Variants in UQCC6 observed in about 807,000 individuals in gnomAD.
UQCC6 encodes protein BRAWNIN.
the UQCC6 span, chr12:103,951,211 A>C: frequency 5.0e-6 from 1 of 198,318 alleles, no homozygotes; most frequent in African/African-American, 2.3e-5. Flanking sequence ...CATAGTTTTA[A>C]ATAATTTCTT....
chr12:103,956,445 C>T, the UQCC6 span: 2 of 559,740 alleles, frequency 3.6e-6, no homozygotes, highest in African/African-American at 3.8e-5. Flanking sequence ...GGATGCCATC[C>T]AAAGGTTTTG....
At chr12:103,965,441 T>G in the UQCC6 span, 2 of 152,398 alleles carry the variant, frequency 1.3e-5, no homozygotes, top group Non-Finnish European at 2.9e-5. Flanking sequence ...ATAAGGAAAC[T>G]GAGGCCCAAG....
At chr12:103,954,613 C>A in the UQCC6 span, 4 of 298,152 alleles carry the variant, frequency 1.3e-5, no homozygotes, top group Non-Finnish European at 2.5e-5. Flanking sequence ...GGTCCTACTT[C>A]CAACATTGGG....
chr12:103,956,223 G>A, the UQCC6 span: 24 of 167,916 alleles, frequency 1.4e-4, no homozygotes, highest in Middle Eastern at 5.8e-3. Context: ...CAAGTTGTTG[G>A]GGGGGTGGTG....
chr12:103,955,003 G>C, the UQCC6 span: 3 of 699,278 alleles, frequency 4.3e-6, no homozygotes, highest in East Asian at 8.1e-5. Context: ...AAATTGTAGT[G>C]ACAATTAACT....
the UQCC6 span, chr12:103,953,771 T>A: frequency 3.6e-6 from 2 of 555,842 alleles, no homozygotes; most frequent in Non-Finnish European, 6.5e-6. Flanking sequence ...TCATTCTATC[T>A]CCTCCCAAGG....
the UQCC6 span, chr12:103,955,079 C>T: frequency 3.2e-6 from 2 of 618,690 alleles, no homozygotes; most frequent in African/African-American, 1.8e-5. Context: ...CTTTGGGAGG[C>T]AGAGGCGGGC....
chr12:103,953,435 C>A, the UQCC6 span: 1 of 702,216 alleles, frequency 1.4e-6, no homozygotes, highest in Non-Finnish European at 2.6e-6. Flanking sequence ...CTCCCCAACA[C>A]AGCACTGAGC....
At chr12:103,956,736 C>T in the UQCC6 span, 1 of 1,550,350 alleles carries the variant, frequency 6.5e-7, no homozygotes, top group South Asian at 1.2e-5. Flanking sequence ...CGCCCGCGGG[C>T]ATGGTCGGCA....
At chr12:103,958,876 G>C in the UQCC6 span, among the ~76,000 whole-genome samples, 4 of 144,180 alleles carry the variant, frequency 2.8e-5, no homozygotes, top group South Asian at 9.2e-4. Flanking sequence ...ACAATCACTA[G>C]AGAAAATTAA....
At chr12:103,953,383 C>G in the UQCC6 span, 1 of 702,010 alleles carries the variant, frequency 1.4e-6, no homozygotes, top group Admixed American at 2.0e-5. Context: ...CTTTGCTATT[C>G]AGATGAGCTG....
chr12:103,956,605 TA>T, the UQCC6 span: 1 of 1,463,618 alleles, frequency 6.8e-7, no homozygotes, highest in Non-Finnish European at 9.4e-7. Flanking sequence ...AGCTCAAAAA[TA>T]AAATAGTAGC....
the UQCC6 span, among the ~76,000 whole-genome samples, chr12:103,963,632 G>C: frequency 6.6e-6 from 1 of 152,090 alleles, no homozygotes; most frequent in Non-Finnish European, 1.5e-5. Flanking sequence ...ATTTCTACCA[G>C]CAATGCTTTT....
chr12:103,959,734 CT>C, the UQCC6 span, among the ~76,000 whole-genome samples: 1 of 150,480 alleles, frequency 6.6e-6, no homozygotes, highest in Non-Finnish European at 1.5e-5. Flanking sequence ...TAATAATTAA[CT>C]TTTTTAAAAA....
the UQCC6 span, chr12:103,950,403 TGTG>T: frequency 6.6e-6 from 1 of 152,218 alleles, no homozygotes; most frequent in Non-Finnish European, 1.5e-5. Context: ...CATAGGGAGT[TGTG>T]GTGGGCCCAG....
the UQCC6 span, among the ~76,000 whole-genome samples, chr12:103,955,124 G>A: frequency 6.6e-6 from 1 of 151,954 alleles, no homozygotes; most frequent in African/African-American, 2.4e-5. Context: ...AGACCAGCCT[G>A]GCCAACACAG....
the UQCC6 span, chr12:103,951,520 T>C: frequency 6.9e-7 from 1 of 1,447,724 alleles, no homozygotes; most frequent in Non-Finnish European, 9.4e-7. Flanking sequence ...ATTCTTGGCA[T>C]AGTTATTTAA....
At chr12:103,958,531 A>G in the UQCC6 span, among the ~76,000 whole-genome samples, 1 of 152,268 alleles carries the variant, frequency 6.6e-6, no homozygotes, top group Non-Finnish European at 1.5e-5. Flanking sequence ...ATTTTCTGGA[A>G]TGTTACATAA....
At chr12:103,960,148 C>T in the UQCC6 span, among the ~76,000 whole-genome samples, 2 of 151,918 alleles carry the variant, frequency 1.3e-5, no homozygotes, top group African/African-American at 2.4e-5. Flanking sequence ...AGTGTAGTGG[C>T]GTGACCTTGA....
Sources: gnomAD v4.1 joint callset for allele counts (sites outside exome capture counted in the v4.1 genomes callset) on GRCh38, gnomAD v4.1.1 for gene constraint, MANE v1.5 for transcripts, NCBI Gene and HGNC (gene_info 2026-07-23, HGNC 2026-07-21) for gene names.